Variants in ANP32A observed in about 807,000 individuals in gnomAD.
ANP32A encodes acidic nuclear phosphoprotein 32 family member A.
ANP32A carries 1 observed loss-of-function variant against 33.9 expected under a neutral mutation model. The observed-to-expected ratio is 0.03, with a 90% CI of 0.01 to 0.14. The LOEUF (loss-of-function observed/expected upper bound fraction) is 0.14, where lower values mean the gene tolerates loss of function less well. Ranked by LOEUF, ANP32A falls within the 10% of genes least tolerant of loss-of-function variation. The pLI is 1.00. For missense variants in ANP32A, 155 were observed against 306.0 expected, an observed-to-expected ratio of 0.51 and a Z score of 3.68; for synonymous variants, 115 against 120.5, an observed-to-expected ratio of 0.95 and a Z score of 0.30.
At chr15:68,811,176 G>A (rs976767958) in intron 1 of ANP32A, among the ~76,000 whole-genome samples, 4 of 152,012 alleles carry the variant, frequency 2.6e-5, no homozygotes, top group Non-Finnish European at 4.4e-5. Flanking sequence ...CAGACTTCAC[G>A]TGGTGGAGTA....
At chr15:68,790,253 T>A (rs1402724537) in intron 1 of ANP32A, 2 of 152,222 alleles carry the variant, frequency 1.3e-5, no homozygotes, top group Non-Finnish European at 2.9e-5. Context: ...GACGGGTCAA[T>A]GGCTTCTCCT....
intron 1 of ANP32A, among the ~76,000 whole-genome samples, chr15:68,788,613 G>C (rs1168808417): frequency 6.6e-6 from 1 of 152,232 alleles, no homozygotes; most frequent in Non-Finnish European, 1.5e-5. Flanking sequence ...CTAAGGAATA[G>C]AGCTTTTAAT....
At chr15:68,816,137 C>T (rs149491356) in intron 1 of ANP32A, among the ~76,000 whole-genome samples, 3 of 152,270 alleles carry the variant, frequency 2.0e-5, no homozygotes, top group African/African-American at 4.8e-5. Context: ...CTAATATCTC[C>T]AACCAGGATG....
At position 68,787,872 on chromosome 15, in the gene ANP32A, G is replaced by T. The variant is rs201740562; in HGVS notation, c.102C>A (p.Leu34=). 1.2e-6 allele frequency: 2 copies of T among 1,614,026 alleles called. No homozygotes were observed. The change falls in exon 2 of 7, where the codon CTC becomes CTA. Residue 34 remains leucine (L), a synonymous_variant. Coordinates refer to ENST00000465139, the MANE Select transcript of ANP32A (RefSeq NM_006305.4). ...LDNSRSNEGK[L]EGLTDEFEEL... is the part of the protein sequence containing the mutation. ...CTTCAAATTCATCTGTGAGGCCTTC[G>T]AGTTTGCCTTCATTCGACCGACTGT...
chr15:68,799,751 A>G (rs932424562), intron 1 of ANP32A, among the ~76,000 whole-genome samples: 4 of 152,192 alleles, frequency 2.6e-5, no homozygotes, highest in Non-Finnish European at 5.9e-5. Flanking sequence ...TAAAGAACAA[A>G]TTTGAGGAAG....
In ANP32A at chr15:68,778,768, A is replaced by G. The variant is rs1054216476; in HGVS notation, c.*1313T>C. ...ACCAAAAATATCCAAACATAGTATC[A>G]CATTATATATATCTCATAAGAAAAG... On this transcript the variant is annotated 3_prime_UTR_variant, in exon 7 of 7. Coordinates refer to ENST00000465139, the MANE Select transcript of ANP32A (RefSeq NM_006305.4). The G allele has an allele frequency of 6.6e-6, 1 of 152,170 alleles. No individual in the cohort carries two copies. The highest frequency in any genetic ancestry group is 2.4e-5 in the African/African-American group (1 of 41,444). 9.4% of individuals were successfully genotyped at this position (152,170 alleles called of 1,614,324 possible). A position where few individuals can be genotyped will look rare whatever the true frequency, so the allele number is the denominator to read the frequency against.
chr15:68,787,944 G>A (rs1893953585), intron 1 of ANP32A, 25 bp from the exon 2 acceptor site: 1 of 1,613,732 alleles, frequency 6.2e-7, no homozygotes, highest in Admixed American at 1.7e-5. Flanking sequence ...GACCGTGTGA[G>A]CGGGGCTGAG....
At chr15:68,786,548 C>T (rs1328593785) in intron 3 of ANP32A, among the ~76,000 whole-genome samples, 2 of 152,114 alleles carry the variant, frequency 1.3e-5, no homozygotes, top group Non-Finnish European at 2.9e-5. Context: ...GTGTGAGATA[C>T]CACGCCCGGC....
chr15:68,815,753 G>C (rs191850980), intron 1 of ANP32A, among the ~76,000 whole-genome samples: 1 of 152,164 alleles, frequency 6.6e-6, no homozygotes, highest in African/African-American at 2.4e-5. Flanking sequence ...GCGAGAACCC[G>C]GCTGTGCCAC....
intron 4 of ANP32A, 82 bp downstream of exon 4, chr15:68,784,315 C>A (rs1005163041): frequency 1.6e-5 from 24 of 1,505,904 alleles, no homozygotes; most frequent in Admixed American, 9.8e-5. Flanking sequence ...AACACCCAGC[C>A]CACCCACCTC....
In ANP32A at chr15:68,820,676, GAT is replaced by G. The variant is rs757626285; in HGVS notation, c.54+20_54+21del. 2.5e-6 allele frequency: 4 copies of G among 1,611,198 alleles called. No individual in the cohort carries two copies. The highest frequency in any genetic ancestry group is 1.1e-5 in the South Asian group (1 of 91,014). On this transcript the variant is annotated intron_variant, in intron 1 of 6. Transcript: ENST00000465139. Reference sequence around the variant, plus strand: ...CAAAGTAGGAGAATGGACCGACAGAGATATTTTTGGCAAATGCTCACATCAGA... The same window carrying G: ...CAAAGTAGGAGAATGGACCGACAGAGATTTTTGGCAAATGCTCACATCAGA...
At chr15:68,784,134 A>G (rs1213689052) in intron 4 of ANP32A, 24 of 548,396 alleles carry the variant, frequency 4.4e-5, no homozygotes, top group Non-Finnish European at 7.6e-5. Flanking sequence ...GAATCTCAGG[A>G]TATTTCCATG....
At chr15:68,804,247 C>T (rs1329408755) in intron 1 of ANP32A, among the ~76,000 whole-genome samples, 2 of 152,102 alleles carry the variant, frequency 1.3e-5, no homozygotes, top group Non-Finnish European at 2.9e-5. Flanking sequence ...ATCAAAGTTG[C>T]CGGGAGAAGG....
At chr15:68,815,383 T>TA (rs1215467343) in intron 1 of ANP32A, among the ~76,000 whole-genome samples, 3 of 151,786 alleles carry the variant, frequency 2.0e-5, no homozygotes, top group Non-Finnish European at 2.9e-5. Context: ...CTTTTATTGA[T>TA]AAAGTTCAGA....
intron 4 of ANP32A, among the ~76,000 whole-genome samples, chr15:68,783,628 G>A (rs907417859): frequency 6.6e-6 from 1 of 152,224 alleles, no homozygotes; most frequent in Non-Finnish European, 1.5e-5. Context: ...TCAGGCAAGT[G>A]TCTCCATTCT....
At chr15:68,812,925 C>T (rs1894332289) in intron 1 of ANP32A, 1 of 152,200 alleles carries the variant, frequency 6.6e-6, no homozygotes, top group Non-Finnish European at 1.5e-5. Context: ...TCAAAGAAGC[C>T]AAACAACTTG....
intron 1 of ANP32A, among the ~76,000 whole-genome samples, chr15:68,794,102 C>T (rs1384841254): frequency 3.3e-5 from 5 of 152,198 alleles, no homozygotes; most frequent in African/African-American, 9.7e-5. Context: ...ATGTCCATCA[C>T]CTAGGGTTGG....
intron 1 of ANP32A, among the ~76,000 whole-genome samples, chr15:68,810,578 G>A (rs1894298126): frequency 6.6e-6 from 1 of 152,220 alleles, no homozygotes; most frequent in South Asian, 2.1e-4. Context: ...AGTACCTGCA[G>A]CTGTCAGTGA....
chr15:68,817,659 A>AG (rs11396638), intron 1 of ANP32A: 152,362 of 152,362 alleles, frequency 1, 76,181 homozygotes, highest in Non-Finnish European at 1. Flanking sequence ...CCCGGAGAGG[A>AG]GGCGGGGGAG....
Sources: gnomAD v4.1 joint callset for allele counts (sites outside exome capture counted in the v4.1 genomes callset) on GRCh38, gnomAD v4.1.1 for gene constraint, MANE v1.5 for transcripts, NCBI Gene and HGNC (gene_info 2026-07-23, HGNC 2026-07-21) for gene names.